Variants in KCNH7 observed in about 807,000 individuals in gnomAD.
KCNH7 encodes voltage-gated inwardly rectifying potassium channel KCNH7.
A neutral mutation model predicts 120.8 loss-of-function variants in KCNH7; 49 were observed. That is an observed-to-expected ratio of 0.41 (90% CI 0.32 to 0.51). The LOEUF (loss-of-function observed/expected upper bound fraction) is 0.51, where lower values mean the gene tolerates loss of function less well. KCNH7 is among the 20% of genes least tolerant of loss of function. KCNH7 has a pLI of 0.38. For missense variants in KCNH7, 1,097 were observed against 1,446.6 expected, an observed-to-expected ratio of 0.76 and a Z score of 3.92; for synonymous variants, 547 against 516.1, an observed-to-expected ratio of 1.06 and a Z score of -0.81.
At chr2:162,635,447 C>T in intron 2 of KCNH7, among the ~76,000 whole-genome samples, 1 of 151,888 alleles carries the variant, frequency 6.6e-6, no homozygotes, top group East Asian at 1.9e-4. Context: ...TTGCTTATTC[C>T]AGATTGATCT....
chr2:162,749,635 C>T (rs141592674), intron 2 of KCNH7, among the ~76,000 whole-genome samples: 193 of 152,192 alleles, frequency 1.3e-3, no homozygotes, highest in Non-Finnish European at 3.8e-4. Flanking sequence ...AAGTAGCTGA[C>T]GTTTGACCAA....
At chr2:162,836,437 C>A in intron 2 of KCNH7, 100 bp downstream of exon 2, 1 of 834,948 alleles carries the variant, frequency 1.2e-6, no homozygotes, top group Non-Finnish European at 1.9e-6. Context: ...CATATATCTA[C>A]AATTGAACAT....
intron 2 of KCNH7, among the ~76,000 whole-genome samples, chr2:162,773,209 C>T (rs1287291328): frequency 6.6e-6 from 1 of 152,074 alleles, no homozygotes; most frequent in South Asian, 2.1e-4. Flanking sequence ...GAATAGAGGC[C>T]GGGCATAGTA....
At chr2:162,510,845 T>C (rs1691048320) in intron 5 of KCNH7, among the ~76,000 whole-genome samples, 2 of 151,692 alleles carry the variant, frequency 1.3e-5, no homozygotes, top group African/African-American at 2.4e-5. Context: ...CACTTAAACA[T>C]TGTTAATAGT....
At chr2:162,547,961 G>A (rs1423298875) in intron 2 of KCNH7, among the ~76,000 whole-genome samples, 1 of 152,170 alleles carries the variant, frequency 6.6e-6, no homozygotes, top group Non-Finnish European at 1.5e-5. Flanking sequence ...AGGTATGTCA[G>A]GCACAAGAGT....
intron 2 of KCNH7, among the ~76,000 whole-genome samples, chr2:162,730,628 A>G (rs1373044717): frequency 6.6e-6 from 1 of 152,092 alleles, no homozygotes; most frequent in African/African-American, 2.4e-5. Flanking sequence ...AAAACTGGCC[A>G]ATAATACTCA....
At chr2:162,693,586 T>C (rs1321105481) in intron 2 of KCNH7, among the ~76,000 whole-genome samples, 1 of 152,348 alleles carries the variant, frequency 6.6e-6, no homozygotes, top group East Asian at 1.9e-4. Flanking sequence ...TTAGCACATA[T>C]ATCCAGTTGC....
At chr2:162,662,252 G>C (rs1162274601) in intron 2 of KCNH7, among the ~76,000 whole-genome samples, 2 of 152,076 alleles carry the variant, frequency 1.3e-5, no homozygotes, top group Non-Finnish European at 2.9e-5. Context: ...GACAGGGCGA[G>C]ACTCTGTCTC....
chr2:162,688,571 C>T lies in KCNH7; in HGVS notation c.307+147966G>A, dbSNP rs765922235. Among the ~76,000 whole-genome samples, 134 of 152,048 alleles carry T rather than the reference C, an allele frequency of 8.8e-4. 1 individual carries two copies. The highest frequency in any genetic ancestry group is 2.6e-4 in the Admixed American group (4 of 15,250). ...AAATCATAACATTGAAATCTGCTTT[C>T]GAGTTGCACCTGGAATTCACACTGA... On this transcript the variant is annotated intron_variant, in intron 2 of 15. Coordinates refer to ENST00000332142, the MANE Select transcript of KCNH7 (RefSeq NM_033272.4).
At chr2:162,574,591 G>T (rs1310061367) in intron 2 of KCNH7, among the ~76,000 whole-genome samples, 1 of 152,078 alleles carries the variant, frequency 6.6e-6, no homozygotes, top group Non-Finnish European at 1.5e-5. Flanking sequence ...TTTCATGTAA[G>T]TATTCAATGT....
intron 7 of KCNH7, among the ~76,000 whole-genome samples, chr2:162,442,200 G>A (rs887519948): frequency 2.0e-5 from 3 of 150,640 alleles, no homozygotes; most frequent in African/African-American, 7.3e-5. Flanking sequence ...TAATTTTTTT[G>A]TATTTTTAGT....
intron 2 of KCNH7, among the ~76,000 whole-genome samples, chr2:162,793,607 T>C (rs1422547535): frequency 6.6e-6 from 1 of 151,960 alleles, no homozygotes; most frequent in East Asian, 1.9e-4. Flanking sequence ...ATTGGAAAGT[T>C]AATATTGTTA....
chr2:162,619,578 A>C (rs756195156), intron 2 of KCNH7, among the ~76,000 whole-genome samples: 44 of 152,048 alleles, frequency 2.9e-4, no homozygotes, highest in Non-Finnish European at 5.3e-4. Flanking sequence ...TGACAGCACA[A>C]CCTGAAAACA....
chr2:162,467,332 A>G (rs1032505046), intron 6 of KCNH7, among the ~76,000 whole-genome samples: 8 of 152,198 alleles, frequency 5.3e-5, no homozygotes, highest in African/African-American at 1.7e-4. Context: ...TTGATCCCCA[A>G]CATTGGAGCT....
intron 2 of KCNH7, among the ~76,000 whole-genome samples, chr2:162,720,768 ATTGTGGTAGGTGTAGAAACCTCAC>A: frequency 6.6e-6 from 1 of 152,238 alleles, no homozygotes; most frequent in South Asian, 2.1e-4. Context: ...AAGTGAAGCA[ATTGTGGTAGGTGTAGAAACCTCAC>A]TTGTTTGTCT....
rs532149536 is a variant in KCNH7, at chr2:162,478,785, T to G, written c.1128+25658A>C. 2.0e-5 allele frequency among the ~76,000 whole-genome samples: 3 copies of G among 152,282 alleles called. No individual in the cohort carries two copies. In the East Asian group the frequency reaches 5.8e-4, roughly 29 times the overall value. On this transcript the variant is annotated intron_variant, in intron 6 of 15. Coordinates refer to ENST00000332142, the MANE Select transcript of KCNH7 (RefSeq NM_033272.4). ...TGATGTTTCTGGCACTAATTTAATT[T>G]CAAACCACCTGCTTGCCTCCCGTGT... is the stretch of plus-strand genomic sequence containing the variant.
intron 2 of KCNH7, among the ~76,000 whole-genome samples, chr2:162,817,341 C>T (rs536989105): frequency 6.6e-6 from 1 of 152,154 alleles, no homozygotes; most frequent in South Asian, 2.1e-4. Context: ...TTGTTTCTGG[C>T]ATTTTTTGCT....
chr2:162,636,703 A>G (rs1380174407), intron 2 of KCNH7, among the ~76,000 whole-genome samples: 2 of 152,148 alleles, frequency 1.3e-5, no homozygotes, highest in African/African-American at 4.8e-5. Context: ...AATGGAAGCA[A>G]TATATTTCAT....
chr2:162,827,401 A>G (rs1452145476), intron 2 of KCNH7, among the ~76,000 whole-genome samples: 1 of 152,126 alleles, frequency 6.6e-6, no homozygotes, highest in African/African-American at 2.4e-5. Flanking sequence ...CCCAAAATCT[A>G]AGTCAGTCAT....
Sources: gnomAD v4.1 joint callset for allele counts (sites outside exome capture counted in the v4.1 genomes callset) on GRCh38, gnomAD v4.1.1 for gene constraint, MANE v1.5 for transcripts, NCBI Gene and HGNC (gene_info 2026-07-23, HGNC 2026-07-21) for gene names.